Variants in MGAT5B observed in about 807,000 individuals in gnomAD.
The protein encoded by MGAT5B is N-acetylglucosaminyl-transferase Vb.
In MGAT5B, 54 loss-of-function variants were observed where a neutral mutation model predicts 95.1. The observed-to-expected ratio is 0.57, with a 90% CI of 0.46 to 0.71. The LOEUF (loss-of-function observed/expected upper bound fraction) is 0.71. Ranked by LOEUF, MGAT5B falls within the 30% of genes least tolerant of loss-of-function variation. The pLI, the probability that MGAT5B is intolerant of heterozygous loss-of-function variation, is 0.00. For missense variants in MGAT5B, 935 were observed against 1,088.6 expected (o/e 0.86, Z 1.99); for synonymous variants, 464 against 451.0 (o/e 1.03, Z -0.36).
intron 8 of MGAT5B, chr17:76,913,650 A>G (rs1485427785): frequency 2.0e-6 from 1 of 501,524 alleles, no homozygotes; most frequent in Non-Finnish European, 4.0e-6. Flanking sequence ...AAATATCAAC[A>G]CAGAAAGGCC....
At position 76,940,430 on chromosome 17, in the gene MGAT5B, A is replaced by G; in HGVS notation, c.1613A>G (p.Glu538Gly). 1 of 1,611,750 alleles carries G rather than the reference A, an allele frequency of 6.2e-7. No individual in the cohort carries two copies. Among genetic ancestry groups the G allele is most frequent in the Non-Finnish European group, 8.5e-7 (1 of 1,178,728 alleles). ...KLFIGFGFPY[E>G]GPAPLEAIAN... ...TTCATCGGGTTTGGCTTCCCCTACG[A>G]GGGCCCCGCCCCCCTGGAGGCCATC... Residue 538 changes from glutamate to glycine, a missense_variant, in exon 14 of 18, where the codon GAG (glutamate) becomes GGG (glycine). By Grantham distance (98) the Glu-to-Gly change is moderately conservative (BLOSUM62 -2). Transcript: ENST00000569840. The surrounding 1 kb of genome is among the most constrained non-coding windows in gnomAD (Gnocchi z 4.3).
intron 3 of MGAT5B, among the ~76,000 whole-genome samples, chr17:76,895,275 A>G (rs1438157772): frequency 6.6e-6 from 1 of 151,828 alleles, no homozygotes; most frequent in African/African-American, 2.4e-5. Context: ...CAGGAAAATG[A>G]GTTGCAGGGC....
chr17:76,946,429 C>A lies in MGAT5B; in HGVS notation c.1902C>A (p.Ile634=). ...CCTGCGAGGGGATGCTGGAGCGGAT[C>A]CACGCCTACATCCAGCACCAGGTCA... The part of the protein sequence containing the change: ...EYTCEGMLER[I]HAYIQHQDFC... Residue 634 remains isoleucine (I), a synonymous_variant, in exon 16 of 18, where the codon ATC becomes ATA. Transcript: ENST00000569840. 1 of 1,601,404 alleles carries A rather than the reference C, an allele frequency of 6.2e-7. No homozygotes were observed. The highest frequency in any genetic ancestry group is 8.5e-7 in the Non-Finnish European group (1 of 1,173,386).
In MGAT5B at chr17:76,910,767, G is replaced by T. The variant is rs1176935335; in HGVS notation, c.1025+4580G>T. On this transcript the variant is annotated intron_variant, in intron 8 of 17. Coordinates refer to ENST00000569840, the MANE Select transcript of MGAT5B (RefSeq NM_001199172.2). ...TTGCCCCATCTCTGGTTTGCAGTTT[G>T]TTAAATGGGCAGGCCCAGGGCTGTG... 1.3e-5 allele frequency among the ~76,000 whole-genome samples: 2 copies of T among 152,342 alleles called. 1 individual carries two copies. Among genetic ancestry groups the T allele is most frequent in the South Asian group, 4.1e-4 (2 of 4,826 alleles).
At chr17:76,921,357 C>T (rs905980739) in intron 8 of MGAT5B, among the ~76,000 whole-genome samples, 6 of 152,296 alleles carry the variant, frequency 3.9e-5, no homozygotes, top group African/African-American at 9.6e-5. Context: ...CTCCCCCATC[C>T]GTTAATATTC....
chr17:76,880,514 C>T (rs1193458112), intron 2 of MGAT5B, among the ~76,000 whole-genome samples: 2 of 152,218 alleles, frequency 1.3e-5, no homozygotes, highest in African/African-American at 2.4e-5. Context: ...GCTGCCCCTG[C>T]TCCGCCCACT....
Position 76,882,161 on chromosome 17 carries a change from C to T in MGAT5B, c.192C>T (p.Gly64=), listed in dbSNP as rs1158724673. ...PFTIRTEVMG[G]PESRGVLRKM... ...ACACTCTGCCCACAGTGATGGGGGG[C>T]CCCGAGTCCCGCGGCGTCCTGCGCA... The change falls in exon 3 of 18, where the codon GGC becomes GGT. Residue 64 remains glycine (G), a synonymous_variant. Transcript: ENST00000569840. 2.5e-6 allele frequency: 4 copies of T among 1,609,734 alleles called. No homozygotes were observed. Among genetic ancestry groups the T allele is most frequent in the African/African-American group, 1.3e-5 (1 of 74,922 alleles).
At chr17:76,888,342 G>A (rs960145421) in intron 3 of MGAT5B, among the ~76,000 whole-genome samples, 5 of 152,010 alleles carry the variant, frequency 3.3e-5, no homozygotes, top group Non-Finnish European at 7.4e-5. Context: ...AGACAGAGGC[G>A]GACGCAGAGA....
chr17:76,943,629 G>GT (rs1567827277), intron 15 of MGAT5B, among the ~76,000 whole-genome samples: 3 of 139,372 alleles, frequency 2.2e-5, no homozygotes, highest in African/African-American at 5.2e-5. Context: ...GGGGTGGGGG[G>GT]GGGGTCTCAT....
At chr17:76,892,695 T>G (rs1322772465) in intron 3 of MGAT5B, among the ~76,000 whole-genome samples, 1 of 152,234 alleles carries the variant, frequency 6.6e-6, no homozygotes, top group Non-Finnish European at 1.5e-5. Context: ...CATGGAGCAC[T>G]GGTGTTCCTC....
At chr17:76,904,196 C>A (rs1446874393) in intron 5 of MGAT5B, 56 bp from the exon 6 acceptor site, 21 of 1,530,144 alleles carry the variant, frequency 1.4e-5, no homozygotes, top group Non-Finnish European at 1.6e-5. Flanking sequence ...GCGGGGGAGT[C>A]CCCGAGGGTC....
At position 76,915,335 on chromosome 17, in the gene MGAT5B, G is replaced by A. The variant is rs1043644910; in HGVS notation, c.1025+9148G>A. On this transcript the variant is annotated intron_variant, in intron 8 of 17. Coordinates refer to ENST00000569840, the MANE Select transcript of MGAT5B (RefSeq NM_001199172.2). The surrounding 1 kb of genome is among the most constrained non-coding windows in gnomAD (Gnocchi z 8.7). ...ATACTGTAAATGCAGCGGGGTGGGGGGCCTGGGCTGGGGGCCGGGGATCGG... is the reference window on the plus strand; with the variant it reads ...ATACTGTAAATGCAGCGGGGTGGGGAGCCTGGGCTGGGGGCCGGGGATCGG... 6.6e-6 allele frequency among the ~76,000 whole-genome samples: 1 copy of A among 151,854 alleles called. No individual in the cohort carries two copies. Among genetic ancestry groups the A allele is most frequent in the African/African-American group, 2.4e-5 (1 of 41,302 alleles).
chr17:76,948,794 G>C lies in MGAT5B; in HGVS notation c.2335G>C (p.Asp779His), dbSNP rs747978726. The change falls in exon 18 of 18, where the codon GAC becomes CAC. Residue 779 changes from aspartate (D) to histidine (H), a missense_variant. Physicochemically the swap from Asp to His is moderately conservative, Grantham distance 81. Transcript: ENST00000569840. ...GTACCGCCGGCTCTGCCCCTGCCGC[G>C]ACTTCCGCAAGGGCCAGGTGGCCTT... ...TKYRRLCPCR[D>H]FRKGQVALCQ... 3 of 1,608,478 alleles carry C rather than the reference G, an allele frequency of 1.9e-6. No homozygotes were observed. The highest frequency in any genetic ancestry group is 2.5e-6 in the Non-Finnish European group (3 of 1,178,216).
intron 12 of MGAT5B, among the ~76,000 whole-genome samples, chr17:76,934,774 T>G (rs1414362630): frequency 2.0e-5 from 3 of 152,192 alleles, no homozygotes. Context: ...GCTAGAGACC[T>G]CAAAGAAACT....
chr17:76,943,454 G>A (rs990905940), intron 15 of MGAT5B, among the ~76,000 whole-genome samples: 4 of 152,154 alleles, frequency 2.6e-5, no homozygotes, highest in African/African-American at 9.6e-5. Context: ...CGGGGGGAGG[G>A]CCTTAAATGC....
chr17:76,897,684 T>TCTTC (rs1968121209), intron 3 of MGAT5B, among the ~76,000 whole-genome samples: 1 of 95,750 alleles, frequency 1.0e-5, no homozygotes, highest in Non-Finnish European at 1.9e-5. Flanking sequence ...TTTCTTTCTT[T>TCTTC]CTTTCTTTCT....
chr17:76,936,179 G>A (rs766609258), intron 12 of MGAT5B, among the ~76,000 whole-genome samples: 8 of 151,900 alleles, frequency 5.3e-5, no homozygotes, highest in Non-Finnish European at 2.9e-5. Flanking sequence ...AGGCCATGGC[G>A]GGGTGGATCC....
intron 3 of MGAT5B, among the ~76,000 whole-genome samples, chr17:76,899,398 C>G (rs1968221970): frequency 6.6e-6 from 1 of 152,150 alleles, no homozygotes; most frequent in Non-Finnish European, 1.5e-5. Flanking sequence ...AATCCCAGCA[C>G]TTTCAGAGAC....
chr17:76,903,426 G>C (rs763948337), intron 5 of MGAT5B, 50 bp downstream of exon 5: 5 of 1,513,366 alleles, frequency 3.3e-6, no homozygotes, highest in South Asian at 1.2e-5. Flanking sequence ...GGGCCTCTCT[G>C]TCTGGCCCTG....
Sources: allele counts gnomAD v4.1 joint callset (sites outside exome capture counted in the v4.1 genomes callset), GRCh38; gene constraint gnomAD v4.1.1; non-coding constraint Gnocchi (gnomAD v3.1); transcripts MANE v1.5; gene names NCBI Gene and HGNC (gene_info 2026-07-23, HGNC 2026-07-21).